Variants in ST8SIA6 observed in about 807,000 individuals in gnomAD.
ST8SIA6 encodes the protein ST8 alpha-N-acetyl-neuraminide alpha-2,8-sialyltransferase 6.
A neutral mutation model predicts 33.6 loss-of-function variants in ST8SIA6; 39 were observed. The ratio of observed to expected loss-of-function variants is 1.16; its 90% CI spans 0.90 to 1.52. The LOEUF (loss-of-function observed/expected upper bound fraction) is 1.52, where lower values mean the gene tolerates loss of function less well. ST8SIA6 is among the 40% of genes most tolerant of loss of function. ST8SIA6 has a pLI of 0.00. For synonymous variants in ST8SIA6, 172 were observed against 167.2 expected (o/e 1.03, Z -0.22); for missense variants, 441 against 443.8 (o/e 0.99, Z 0.06).
chr10:17,359,833 A>T (rs1410526011), intron 3 of ST8SIA6, among the ~76,000 whole-genome samples: 1 of 152,164 alleles, frequency 6.6e-6, no homozygotes, highest in Non-Finnish European at 1.5e-5. Context: ...CAAGTGTAGT[A>T]TTAAAAACCG....
At position 17,420,036 on chromosome 10, in the gene ST8SIA6, A is replaced by C. The variant is rs73595988; in HGVS notation, c.201-29416T>G. 7.5e-3 allele frequency among the ~76,000 whole-genome samples: 1,142 copies of C among 152,356 alleles called. 15 individuals are homozygous for C. Among genetic ancestry groups the C allele is most frequent in the African/African-American group, 0.026 (1,083 of 41,580 alleles). ...CACGTTTTCCAAATGGATAAGGAGG[A>C]GGTTTTAAAATGATAACCATGATAT... On this transcript the variant is annotated intron_variant, in intron 2 of 7. Transcript: ENST00000377602.
intron 2 of ST8SIA6, among the ~76,000 whole-genome samples, chr10:17,412,694 G>A (rs1001637569): frequency 6.7e-6 from 1 of 149,494 alleles, no homozygotes; most frequent in African/African-American, 2.4e-5. Flanking sequence ...TACAGGAATG[G>A]GTAAATATCT....
chr10:17,404,655 T>C (rs79027958), intron 2 of ST8SIA6, among the ~76,000 whole-genome samples: 2,661 of 152,238 alleles, frequency 0.017, 79 homozygotes, highest in African/African-American at 0.061. Context: ...TTACCCAGAA[T>C]TGCACCTTAC....
At position 17,376,489 on chromosome 10, in the gene ST8SIA6, T is replaced by TA. The variant is rs1290126908; in HGVS notation, c.290+14041dup. 2.6e-5 allele frequency among the ~76,000 whole-genome samples: 4 copies of TA among 151,708 alleles called. No individual in the cohort carries two copies. The East Asian group carries it at 7.7e-4, about 29-fold the overall frequency. On this transcript the variant is annotated intron_variant, in intron 3 of 7. Transcript: ENST00000377602. ...TCTTGGGGGAAATGAAAGAAAAGCA[T>TA]AAAAAAGAGAAGGCAAAACAACAGA...
chr10:17,389,217 G>C (rs1588875841), intron 3 of ST8SIA6, among the ~76,000 whole-genome samples: 1 of 152,114 alleles, frequency 6.6e-6, no homozygotes, highest in East Asian at 1.9e-4. Flanking sequence ...AACGCTCAGG[G>C]AGACTGATTT....
chr10:17,359,359 C>T (rs1237993437), intron 4 of ST8SIA6, among the ~76,000 whole-genome samples, 155 bp downstream of exon 4: 1 of 152,040 alleles, frequency 6.6e-6, no homozygotes, highest in African/African-American at 2.4e-5. Context: ...AGATGGAATG[C>T]CCTGTGCCTC....
At chr10:17,322,211 GAGAA>G (rs927806430) in intron 7 of ST8SIA6, among the ~76,000 whole-genome samples, 1 of 141,144 alleles carries the variant, frequency 7.1e-6, no homozygotes, top group Non-Finnish European at 1.5e-5. Flanking sequence ...AGGAAAGAAA[GAGAA>G]AGAAAAGAAA....
intron 2 of ST8SIA6, among the ~76,000 whole-genome samples, chr10:17,426,189 G>C (rs890389221): frequency 1.3e-5 from 2 of 152,120 alleles, no homozygotes; most frequent in Non-Finnish European, 2.9e-5. Context: ...TGTGTGGCAC[G>C]CGATGTCCTC....
intron 2 of ST8SIA6, among the ~76,000 whole-genome samples, chr10:17,439,551 G>A (rs1852398488): frequency 1.3e-5 from 2 of 152,216 alleles, no homozygotes; most frequent in African/African-American, 4.8e-5. Context: ...AAAGTGCTGG[G>A]ATTACAGGCG....
chr10:17,358,590 GGAA>G (rs964921079), intron 4 of ST8SIA6, among the ~76,000 whole-genome samples: 9 of 149,736 alleles, frequency 6.0e-5, no homozygotes, highest in South Asian at 4.2e-4. Context: ...AGGAGGAAGA[GGAA>G]GAAGGAGGAG....
chr10:17,396,504 A>T (rs987311534), intron 2 of ST8SIA6, among the ~76,000 whole-genome samples: 1 of 152,186 alleles, frequency 6.6e-6, no homozygotes, highest in African/African-American at 2.4e-5. Flanking sequence ...TTTCAGAGAA[A>T]CATGGTGCAG....
At chr10:17,365,884 G>A (rs981186205) in intron 3 of ST8SIA6, among the ~76,000 whole-genome samples, 11 of 152,232 alleles carry the variant, frequency 7.2e-5, no homozygotes, top group Non-Finnish European at 1.3e-4. Context: ...TGAAATGGGT[G>A]GGAACAACAC....
chr10:17,424,403 C>G (rs1390168164), intron 2 of ST8SIA6, among the ~76,000 whole-genome samples: 1 of 152,100 alleles, frequency 6.6e-6, no homozygotes, highest in Non-Finnish European at 1.5e-5. Flanking sequence ...CGTTCCTGGC[C>G]TATTTCCAAG....
At position 17,316,552 on chromosome 10, in the gene ST8SIA6, G is replaced by T; in HGVS notation, c.*4326C>A. Among the ~76,000 whole-genome samples the T allele has an allele frequency of 6.6e-6, 1 of 152,076 alleles. No homozygotes were observed. Among genetic ancestry groups the T allele is most frequent in the East Asian group, 1.9e-4 (1 of 5,202 alleles). ...AGTGCAATTACTGGACTATAGGACAGACATATGATGAATTTTACTAACTCA... is the reference window on the plus strand; with the variant it reads ...AGTGCAATTACTGGACTATAGGACATACATATGATGAATTTTACTAACTCA... On this transcript the variant is annotated 3_prime_UTR_variant, in exon 8 of 8. Coordinates refer to ENST00000377602, the MANE Select transcript of ST8SIA6 (RefSeq NM_001004470.3).
intron 2 of ST8SIA6, among the ~76,000 whole-genome samples, chr10:17,430,394 C>T (rs1331053138): frequency 1.3e-5 from 2 of 152,124 alleles, no homozygotes; most frequent in Admixed American, 1.3e-4. Flanking sequence ...ATTTCTTTTC[C>T]TTTGGCTAGA....
chr10:17,337,229 C>G (rs1201067572), intron 4 of ST8SIA6, among the ~76,000 whole-genome samples: 1 of 152,198 alleles, frequency 6.6e-6, no homozygotes, highest in Non-Finnish European at 1.5e-5. Context: ...GAGGCCTCCT[C>G]AGCCACGATT....
At chr10:17,367,413 A>G (rs140934437) in intron 3 of ST8SIA6, among the ~76,000 whole-genome samples, 152 of 152,132 alleles carry the variant, frequency 1.0e-3, no homozygotes, top group Non-Finnish European at 1.6e-3. Flanking sequence ...CCATGATTCA[A>G]TTACCTCCCC....
intron 2 of ST8SIA6, among the ~76,000 whole-genome samples, chr10:17,422,299 A>G (rs1425299179): frequency 6.6e-6 from 1 of 152,146 alleles, no homozygotes; most frequent in Non-Finnish European, 1.5e-5. Flanking sequence ...AAAATAATGA[A>G]TTTATTCCCT....
intron 2 of ST8SIA6, among the ~76,000 whole-genome samples, chr10:17,445,070 G>T (rs1852656368): frequency 6.6e-6 from 1 of 152,092 alleles, no homozygotes; most frequent in Non-Finnish European, 1.5e-5. Context: ...GGAGCATGAG[G>T]TGGAAAGGAA....
Sources: gnomAD v4.1 joint callset for allele counts (sites outside exome capture counted in the v4.1 genomes callset) on GRCh38, gnomAD v4.1.1 for gene constraint, MANE v1.5 for transcripts, NCBI Gene and HGNC (gene_info 2026-07-23, HGNC 2026-07-21) for gene names.